The following REM1 variants were observed in gnomAD, a reference collection of about 807,000 sequenced individuals.
REM1 encodes the protein GTP-binding protein REM 1.
In REM1, 20 loss-of-function variants were observed where a neutral mutation model predicts 27.0. The observed-to-expected ratio is 0.74, with a 90% confidence interval of 0.52 to 1.08. The LOEUF (loss-of-function observed/expected upper bound fraction) is 1.08. Among genes scored for constraint, REM1 ranks in the 50% least tolerant of loss-of-function variants. The pLI, the probability that REM1 is intolerant of heterozygous loss-of-function variation, is 0.00. For synonymous variants in REM1, 159 were observed against 167.9 expected (o/e 0.95, Z 0.41); for missense variants, 405 against 407.0 (o/e 1.00, Z 0.04).
At position 31,484,208 on chromosome 20, in the gene REM1, C is replaced by T; in HGVS notation, c.675C>T (p.Ser225=). The change falls in exon 5 of 5, where the codon TCC becomes TCT. Residue 225 remains serine (S), a synonymous_variant. Transcript: ENST00000201979. ...TCGACTGTAAATTCATCGAGACATC[C>T]GCCACGCTGCAGCACAATGTGGCCG... ...VVFDCKFIET[S]ATLQHNVAEL... is the part of the protein sequence containing the mutation. 5 of 1,608,280 alleles carry T rather than the reference C, an allele frequency of 3.1e-6. No individual in the cohort carries two copies. Among genetic ancestry groups the T allele is most frequent in the Non-Finnish European group, 4.2e-6 (5 of 1,177,774 alleles).
intron 3 of REM1, 39 bp downstream of exon 3, chr20:31,477,949 G>A (rs372333212): frequency 1.5e-5 from 20 of 1,325,118 alleles, no homozygotes; most frequent in Middle Eastern, 1.8e-4. Flanking sequence ...GAGGGGTGCT[G>A]AGCCTAATAC....
In REM1 at chr20:31,475,733, T is replaced by C. The variant is rs1263471415; in HGVS notation, c.-220+367T>C. Among the ~76,000 whole-genome samples, 1 of 152,184 alleles carries C rather than the reference T, an allele frequency of 6.6e-6. No individual in the cohort carries two copies. The highest frequency in any genetic ancestry group is 1.5e-5 in the Non-Finnish European group (1 of 68,018). On this transcript the variant is annotated intron_variant, in intron 1 of 4. Transcript: ENST00000201979. This position sits in a 1 kb window ranked among gnomAD's most constrained non-coding sequence, Gnocchi z 5.0. Reference sequence around the variant, plus strand: ...CGTCCCCAAAAGCAGTTGGAGGCCGTAGCGCCAGCCGCTCCTGAATTTTTC... The same window carrying C: ...CGTCCCCAAAAGCAGTTGGAGGCCGCAGCGCCAGCCGCTCCTGAATTTTTC...
In REM1 at chr20:31,484,792, T is replaced by TTTTTTTAATGATA; in HGVS notation, c.*362_*363insTTTTTTAATGATA. On this transcript the variant is annotated 3_prime_UTR_variant, in exon 5 of 5. Transcript: ENST00000201979. The stretch of plus-strand genomic sequence containing the variant: ...GCCCAGACCTCTCCATCTCGGCTCT[T>TTTTTTTAATGATA]CCAGGCGTCTCCACCTACTGCCCTC... 7.1e-4 allele frequency: 165 copies of TTTTTTTAATGATA among 232,354 alleles called. No homozygotes were observed. The highest frequency in any genetic ancestry group is 3.5e-3 in the South Asian group (29 of 8,248). The allele number at this position is 232,354 out of a possible 1,614,324, so 14.4% of individuals were successfully genotyped here.
intron 3 of REM1, among the ~76,000 whole-genome samples, 154 bp from the exon 4 acceptor site, chr20:31,482,133 G>A (rs1980752013): frequency 6.6e-6 from 1 of 152,138 alleles, no homozygotes; most frequent in South Asian, 2.1e-4. Flanking sequence ...TTTTCCCAAG[G>A]TGACACAGGG....
rs1410003443 is a variant in REM1, at chr20:31,484,379, C to T, written c.846C>T (p.Arg282=). ...LARLTARSAR[R]RALKARSKSC... is the part of the protein sequence containing the mutation. ...GCCTGACAGCCCGCAGCGCACGCCG[C>T]CGGGCACTCAAGGCCCGCTCCAAGT... The change falls in exon 5 of 5, where the codon CGC becomes CGT. Residue 282 remains arginine, a synonymous_variant. Transcript: ENST00000201979. The T allele has an allele frequency of 1.9e-6, 3 of 1,553,866 alleles. No homozygotes were observed. Among genetic ancestry groups the T allele is most frequent in the South Asian group, 2.4e-5 (2 of 84,002 alleles).
intron 2 of REM1, among the ~76,000 whole-genome samples, chr20:31,477,460 T>C (rs1429662469): frequency 6.6e-6 from 1 of 152,114 alleles, no homozygotes; most frequent in Admixed American, 6.5e-5. Context: ...GACTTCTCTC[T>C]CCGAGTGAGA....
intron 4 of REM1, among the ~76,000 whole-genome samples, chr20:31,483,334 C>T (rs1980797210): frequency 1.3e-5 from 2 of 152,186 alleles, no homozygotes; most frequent in Non-Finnish European, 2.9e-5. Context: ...GCTCCCCTAG[C>T]CCCTTAATCA....
chr20:31,480,293 C>T (rs922520025), intron 3 of REM1, among the ~76,000 whole-genome samples: 1 of 151,818 alleles, frequency 6.6e-6, no homozygotes, highest in Non-Finnish European at 1.5e-5. Context: ...ATAGATACTA[C>T]AGCCCCACTT....
rs1397404738 is a variant in REM1 at position 31,482,405 on chromosome 20, G to A, written c.542G>A (p.Arg181His). Residue 181 changes from arginine (R) to histidine (H), a missense_variant, in exon 4 of 5, where the codon CGC becomes CAC. Coordinates refer to ENST00000201979, the MANE Select transcript of REM1 (RefSeq NM_014012.6). Reference sequence around the variant, plus strand: ...TCTGAGCTCCGCATCCAGCTGCGGCGCACACATCAGGCAGACCATGTGCCC... The same window carrying A: ...TCTGAGCTCCGCATCCAGCTGCGGCACACACATCAGGCAGACCATGTGCCC... Reference protein sequence around the residue: ...SASELRIQLRRTHQADHVPII... With the variant: ...SASELRIQLRHTHQADHVPII... 9 of 1,614,022 alleles carry A rather than the reference G, an allele frequency of 5.6e-6. No homozygotes were observed. The African/African-American group carries it at 6.7e-5, about 12-fold the overall frequency.
At chr20:31,477,470 A>G (rs2122469946) in intron 2 of REM1, among the ~76,000 whole-genome samples, 1 of 152,240 alleles carries the variant, frequency 6.6e-6, no homozygotes, top group East Asian at 1.9e-4. Flanking sequence ...TCCGAGTGAG[A>G]ACACATATGT....
chr20:31,476,364 C>T lies in REM1; in HGVS notation c.-82C>T. The T allele has an allele frequency of 6.3e-6, 7 of 1,109,564 alleles. 1 individual carries two copies. In the South Asian group the frequency reaches 1.0e-4, roughly 17 times the overall value. The allele number at this position is 1,109,564 out of a possible 1,614,324, so 68.7% of individuals were successfully genotyped here. On this transcript the variant is annotated 5_prime_UTR_variant, in exon 2 of 5. Coordinates refer to ENST00000201979, the MANE Select transcript of REM1 (RefSeq NM_014012.6). ...CTCATCAGGACACTATAGAAAGAAGCAGCTCAAAGCAATTGGCTGACAGCC... is the reference window on the plus strand; with the variant it reads ...CTCATCAGGACACTATAGAAAGAAGTAGCTCAAAGCAATTGGCTGACAGCC...
Position 31,482,271 on chromosome 20 carries a change from G to A in REM1, c.424-16G>A. ...AGATACCCTCTGAGGATGGGTCTTGGGTCCCTCTCCTGCAGGATAAAAGCT... is the reference window on the plus strand; with the variant it reads ...AGATACCCTCTGAGGATGGGTCTTGAGTCCCTCTCCTGCAGGATAAAAGCT... On this transcript the variant is annotated splice_polypyrimidine_tract_variant and intron_variant, in intron 3 of 4. Transcript: ENST00000201979. The A allele has an allele frequency of 6.2e-7, 1 of 1,613,620 alleles. No individual in the cohort carries two copies. The highest frequency in any genetic ancestry group is 8.5e-7 in the Non-Finnish European group (1 of 1,179,744).
chr20:31,484,149 GC>G lies in REM1; in HGVS notation c.626-5del, dbSNP rs759628297. The G allele has an allele frequency of 7.7e-6, 12 of 1,559,342 alleles. No homozygotes were observed. The highest frequency in any genetic ancestry group is 2.4e-5 in the South Asian group (2 of 84,486). On this transcript the variant is annotated splice_polypyrimidine_tract_variant and intron_variant, in intron 4 of 4. Transcript: ENST00000201979. ...GCTCCACCCCTCCTCGCCGGGCCCCGCCCCCTTAGAGGGCCGCGCCTGCGCT... is the reference window on the plus strand; with the variant it reads ...GCTCCACCCCTCCTCGCCGGGCCCCGCCCCTTAGAGGGCCGCGCCTGCGCT...
chr20:31,480,327 T>G (rs1029194270), intron 3 of REM1, among the ~76,000 whole-genome samples: 1 of 152,040 alleles, frequency 6.6e-6, no homozygotes. Flanking sequence ...TTCTTTTATT[T>G]CTTTTCTTTT....
Position 31,484,644 on chromosome 20 carries a change from G to A in REM1, c.*214G>A. ...CGATGGGGCCGAAGCCCCAAGCTGG[G>A]CACAAAGTAGTTTTTTACGTGGTGG... is the stretch of plus-strand genomic sequence containing the variant. On this transcript the variant is annotated 3_prime_UTR_variant, in exon 5 of 5. Transcript: ENST00000201979. The A allele has an allele frequency of 1.7e-6, 1 of 588,810 alleles. No homozygotes were observed. The highest frequency in any genetic ancestry group is 3.3e-5 in the South Asian group (1 of 30,066). The allele number at this position is 588,810 out of a possible 1,614,324, so 36.5% of individuals were successfully genotyped here.
rs1205468302 is a variant in REM1 at position 31,484,242 on chromosome 20, G to C, written c.709G>C (p.Glu237Gln). ...TLQHNVAELF[E>Q]GVVRQLRLRR... ...GCAGCACAATGTGGCCGAGCTCTTCGAGGGCGTGGTGCGCCAACTGCGCTT... is the reference window on the plus strand; with the variant it reads ...GCAGCACAATGTGGCCGAGCTCTTCCAGGGCGTGGTGCGCCAACTGCGCTT... The change falls in exon 5 of 5, where the codon GAG becomes CAG. Residue 237 changes from glutamate to glutamine, a missense_variant. By Grantham distance (29) the Glu-to-Gln change is conservative. Transcript: ENST00000201979. 4 of 1,606,246 alleles carry C rather than the reference G, an allele frequency of 2.5e-6. No homozygotes were observed. The highest frequency in any genetic ancestry group is 3.4e-6 in the Non-Finnish European group (4 of 1,177,490).
chr20:31,476,445 G>A lies in REM1; in HGVS notation c.-1G>A. ...AAGAAGCAAACCCCCCCCTACCAAA[G>A]ATGACACTCAACACCGAGCAGGAAG... is the stretch of plus-strand genomic sequence containing the variant. On this transcript the variant is annotated 5_prime_UTR_variant, in exon 2 of 5. Transcript: ENST00000201979. 6.4e-7 allele frequency: 1 copy of A among 1,557,470 alleles called. No individual in the cohort carries two copies.
chr20:31,477,098 G>T (rs1352672291), intron 2 of REM1, among the ~76,000 whole-genome samples: 2 of 152,086 alleles, frequency 1.3e-5, no homozygotes, highest in South Asian at 4.1e-4. Context: ...TTAAGAAATG[G>T]TGGACTTCCA....
chr20:31,484,765 A>C lies in REM1; in HGVS notation c.*335A>C. The C allele has an allele frequency of 3.4e-6, 1 of 292,968 alleles. No homozygotes were observed. Among genetic ancestry groups the C allele is most frequent in the Non-Finnish European group, 6.3e-6 (1 of 157,690 alleles). The allele number at this position is 292,968 out of a possible 1,614,324, so 18.1% of individuals were successfully genotyped here. On this transcript the variant is annotated 3_prime_UTR_variant, in exon 5 of 5. Coordinates refer to ENST00000201979, the MANE Select transcript of REM1 (RefSeq NM_014012.6). The stretch of plus-strand genomic sequence containing the variant: ...CAGACCAGAAGGATGTCCCATCTGA[A>C]TGCCCAGACCTCTCCATCTCGGCTC...
Sources: gnomAD v4.1 joint callset for allele counts (sites outside exome capture counted in the v4.1 genomes callset) on GRCh38, gnomAD v4.1.1 for gene constraint, Gnocchi (gnomAD v3.1) non-coding constraint, MANE v1.5 for transcripts, NCBI Gene and HGNC (gene_info 2026-07-23, HGNC 2026-07-21) for gene names.